Variants in CNTN5 observed in about 807,000 individuals in gnomAD.
CNTN5 encodes the protein contactin 5.
CNTN5 carries 77 observed loss-of-function variants against 129.1 expected under a neutral mutation model. That is an observed-to-expected ratio of 0.60 (90% CI 0.50 to 0.72). CNTN5 has a LOEUF of 0.72. Among genes scored for constraint, CNTN5 ranks in the 30% least tolerant of loss-of-function variants. CNTN5 has a pLI of 0.00. For missense variants in CNTN5, 1,478 were observed against 1,328.8 expected (o/e 1.11, Z -1.75); for synonymous variants, 509 against 465.6 (o/e 1.09, Z -1.20).
intron 13 of CNTN5, among the ~76,000 whole-genome samples, chr11:100,177,828 C>A (rs914845749): frequency 2.6e-5 from 4 of 152,006 alleles, no homozygotes; most frequent in African/African-American, 9.7e-5. Flanking sequence ...AAGGAGATGG[C>A]CTACATAGTC....
chr11:100,259,184 C>CA, intron 17 of CNTN5, among the ~76,000 whole-genome samples: 1 of 152,006 alleles, frequency 6.6e-6, no homozygotes, highest in South Asian at 2.1e-4. Context: ...CAACAAAGAT[C>CA]AAAAAAGACA....
At chr11:99,786,266 G>T (rs185344155) in intron 3 of CNTN5, among the ~76,000 whole-genome samples, 1 of 152,128 alleles carries the variant, frequency 6.6e-6, no homozygotes, top group East Asian at 1.9e-4. Context: ...CTGCTACAAA[G>T]AGAATAAAAT....
chr11:100,032,044 G>A (rs1332093678), intron 9 of CNTN5, among the ~76,000 whole-genome samples: 1 of 152,180 alleles, frequency 6.6e-6, no homozygotes, highest in African/African-American at 2.4e-5. Context: ...ATTGTGGGCT[G>A]CTGGCCAGAT....
chr11:99,209,516 G>A (rs1233543789), intron 1 of CNTN5, among the ~76,000 whole-genome samples: 1 of 152,008 alleles, frequency 6.6e-6, no homozygotes, highest in African/African-American at 2.4e-5. Context: ...TCATCAAGGG[G>A]ATGACACTAA....
In CNTN5 at chr11:99,657,090, AT is replaced by A. The variant is rs761340096; in HGVS notation, c.55+100822del. On this transcript the variant is annotated intron_variant, in intron 3 of 24. Transcript: ENST00000524871. ...AAGAAAAAAAAAAAAGAGAAAAAAA[AT>A]AAATCTAAGTACAGATAGCTTAATG... Among the ~76,000 whole-genome samples the A allele has an allele frequency of 5.7e-3, 871 of 151,986 alleles. 6 individuals are homozygous for A. Among genetic ancestry groups the A allele is most frequent in the Non-Finnish European group, 9.3e-3 (632 of 67,952 alleles).
intron 13 of CNTN5, among the ~76,000 whole-genome samples, chr11:100,101,934 T>C (rs1945237516): frequency 2.0e-5 from 3 of 152,164 alleles, no homozygotes; most frequent in African/African-American, 7.2e-5. Context: ...CTGAGTAATA[T>C]CAGTGGTGTA....
At chr11:100,082,807 C>G (rs79358801) in intron 13 of CNTN5, among the ~76,000 whole-genome samples, 13,754 of 152,082 alleles carry the variant, frequency 0.09, 1,290 homozygotes, top group African/African-American at 0.24. Flanking sequence ...TAATTTTCAA[C>G]GCCACTTTAT....
chr11:99,966,961 A>G (rs956519537), intron 8 of CNTN5, among the ~76,000 whole-genome samples: 4 of 152,146 alleles, frequency 2.6e-5, no homozygotes, highest in African/African-American at 9.6e-5. Context: ...AAATGCTGTG[A>G]TAGATTGATA....
chr11:99,745,740 C>T (rs533065599), intron 3 of CNTN5, among the ~76,000 whole-genome samples: 66 of 126,626 alleles, frequency 5.2e-4, no homozygotes, highest in African/African-American at 1.5e-3. Flanking sequence ...TTTTTTTTTT[C>T]AATTCAATAG....
At chr11:100,344,149 A>G (rs892212202) in intron 23 of CNTN5, among the ~76,000 whole-genome samples, 9 of 152,072 alleles carry the variant, frequency 5.9e-5, no homozygotes, top group African/African-American at 2.2e-4. Flanking sequence ...ATCACTGGAA[A>G]TGCATATTGT....
chr11:100,039,654 G>C (rs1397570553), intron 9 of CNTN5, among the ~76,000 whole-genome samples: 1 of 152,150 alleles, frequency 6.6e-6, no homozygotes, highest in Non-Finnish European at 1.5e-5. Flanking sequence ...ATTTCTTGGA[G>C]GCTTTGTTTG....
chr11:100,323,198 C>G (rs190891947), intron 21 of CNTN5, among the ~76,000 whole-genome samples: 1 of 152,212 alleles, frequency 6.6e-6, no homozygotes, highest in Non-Finnish European at 1.5e-5. Context: ...TTACTAGGTT[C>G]TCCAATGTTT....
At chr11:99,259,009 T>A (rs560358424) in intron 1 of CNTN5, among the ~76,000 whole-genome samples, 1 of 151,928 alleles carries the variant, frequency 6.6e-6, no homozygotes, top group Admixed American at 6.6e-5. Context: ...TAAGAAAAAT[T>A]TAAGGCAAAG....
intron 1 of CNTN5, among the ~76,000 whole-genome samples, chr11:99,197,592 T>C (rs1298404824): frequency 6.6e-6 from 1 of 152,048 alleles, no homozygotes; most frequent in Non-Finnish European, 1.5e-5. Context: ...AAGAGACCAT[T>C]AAAAAAGATG....
At chr11:99,210,554 G>C (rs1030827746) in intron 1 of CNTN5, among the ~76,000 whole-genome samples, 18 of 151,624 alleles carry the variant, frequency 1.2e-4, no homozygotes, top group African/African-American at 4.1e-4. Flanking sequence ...TGTATGTTTA[G>C]GTATCTTTTA....
intron 2 of CNTN5, among the ~76,000 whole-genome samples, chr11:99,406,615 C>T (rs1030203830): frequency 5.3e-5 from 8 of 152,134 alleles, no homozygotes; most frequent in Non-Finnish European, 1.2e-4. Flanking sequence ...CCAAGCCAGC[C>T]AGTCCTATGT....
chr11:99,534,875 G>C (rs887648926), intron 2 of CNTN5, among the ~76,000 whole-genome samples: 1 of 152,076 alleles, frequency 6.6e-6, no homozygotes, highest in East Asian at 1.9e-4. Flanking sequence ...AGGATGATTA[G>C]AATTAAAAGC....
chr11:100,003,650 G>A lies in CNTN5; in HGVS notation c.980+1514G>A, dbSNP rs1459070927. On this transcript the variant is annotated intron_variant, in intron 9 of 24. Transcript: ENST00000524871. ...AATAAGTTAGATGTGGTTGCCTTTG[G>A]AAGCCTTGAAATATGTTTAGTAAAT... 2.6e-5 allele frequency among the ~76,000 whole-genome samples: 4 copies of A among 152,108 alleles called. No homozygotes were observed. The South Asian group carries it at 8.3e-4, about 31-fold the overall frequency.
rs539326945 is a variant in CNTN5, at chr11:99,551,210, A to T, written c.-70-4935A>T. 6.6e-5 allele frequency among the ~76,000 whole-genome samples: 10 copies of T among 152,340 alleles called. No homozygotes were observed. The South Asian group carries it at 2.1e-3, about 32-fold the overall frequency. On this transcript the variant is annotated intron_variant, in intron 2 of 24. Transcript: ENST00000524871. ...CCACCAGAATCTTTATAATCATAAAAAGATGTCACTGCTATATAATAATTG... is the reference window on the plus strand; with the variant it reads ...CCACCAGAATCTTTATAATCATAAATAGATGTCACTGCTATATAATAATTG...
Sources: allele counts gnomAD v4.1 joint callset (sites outside exome capture counted in the v4.1 genomes callset), GRCh38; gene constraint gnomAD v4.1.1; transcripts MANE v1.5; gene names NCBI Gene and HGNC (gene_info 2026-07-23, HGNC 2026-07-21).